NTN1: variants seen among roughly 807,000 people sequenced by gnomAD.
The protein encoded by NTN1 is netrin-1.
A neutral mutation model predicts 54.2 loss-of-function variants in NTN1; 11 were observed. That is an observed-to-expected ratio of 0.20 (90% CI 0.13 to 0.34). NTN1 has a LOEUF of 0.34. Ranked by LOEUF, NTN1 falls within the 10% of genes least tolerant of loss-of-function variation. NTN1 has a pLI of 1.00. For synonymous variants in NTN1, 371 were observed against 382.0 expected (o/e 0.97, Z 0.33); for missense variants, 740 against 893.1 (o/e 0.83, Z 2.18).
chr17:9,225,750 G>A (rs776514381), intron 6 of NTN1, among the ~76,000 whole-genome samples: 16 of 152,224 alleles, frequency 1.1e-4, no homozygotes, highest in Non-Finnish European at 2.2e-4. Flanking sequence ...GGCTCCCTCG[G>A]AGGCTGCATA....
At chr17:9,235,009 CTGGAG>C (rs1905938064) in intron 6 of NTN1, among the ~76,000 whole-genome samples, 2 of 143,352 alleles carry the variant, frequency 1.4e-5, no homozygotes, top group Non-Finnish European at 3.0e-5. Context: ...GTTGCCCAGG[CTGGAG>C]TGCAGTGGTG....
intron 2 of NTN1, among the ~76,000 whole-genome samples, chr17:9,069,310 A>G (rs559250390): frequency 7.2e-5 from 11 of 152,280 alleles, no homozygotes; most frequent in African/African-American, 2.2e-4. Flanking sequence ...GAATTAAAAA[A>G]AAAAGAATGG....
chr17:9,021,473 G>GCCCCGCC (rs1464304173), upstream of NTN1: 4 of 149,864 alleles, frequency 2.7e-5, no homozygotes, highest in Admixed American at 1.3e-4. Flanking sequence ...CCGCCCGGCG[G>GCCCCGCC]CCCCGCCCCC....
chr17:9,177,555 T>C (rs1458845831), intron 3 of NTN1: 1 of 152,220 alleles, frequency 6.6e-6, no homozygotes, highest in Non-Finnish European at 1.5e-5. Flanking sequence ...GCATGAATCT[T>C]AGGATTACCA....
chr17:9,013,983 C>T, the NTN1 span, among the ~76,000 whole-genome samples: 1 of 152,142 alleles, frequency 6.6e-6, no homozygotes, highest in Non-Finnish European at 1.5e-5. Context: ...GCATTTTCAC[C>T]CCTTCAAAGA....
At chr17:9,055,480 G>C (rs956735618) in intron 2 of NTN1, among the ~76,000 whole-genome samples, 1 of 152,176 alleles carries the variant, frequency 6.6e-6, no homozygotes, top group African/African-American at 2.4e-5. Flanking sequence ...CACCAGGTGA[G>C]GCCTATCTGA....
intron 2 of NTN1, among the ~76,000 whole-genome samples, chr17:9,106,631 A>G (rs2092168027): frequency 6.6e-6 from 1 of 152,072 alleles, no homozygotes; most frequent in Admixed American, 6.6e-5. Flanking sequence ...CTCCTGCCTC[A>G]GCCTCCCAAG....
chr17:9,129,239 C>T (rs2142268546), intron 2 of NTN1, among the ~76,000 whole-genome samples: 1 of 152,208 alleles, frequency 6.6e-6, no homozygotes, highest in East Asian at 1.9e-4. Flanking sequence ...GGGAATTGCT[C>T]TTTCCAAGGC....
chr17:9,059,344 A>G (rs1385904810), intron 2 of NTN1, among the ~76,000 whole-genome samples: 2 of 152,236 alleles, frequency 1.3e-5, no homozygotes, highest in African/African-American at 2.4e-5. Context: ...GAAAACAGGT[A>G]TTCAGACAAC....
intron 2 of NTN1, among the ~76,000 whole-genome samples, chr17:9,130,001 GCTT>G (rs1347093612): frequency 2.0e-5 from 3 of 152,192 alleles, no homozygotes; most frequent in Non-Finnish European, 4.4e-5. Flanking sequence ...TCTGTGAGTG[GCTT>G]CTTGTTGGCA....
intron 2 of NTN1, among the ~76,000 whole-genome samples, chr17:9,024,170 C>T (rs2091862712): frequency 6.6e-6 from 1 of 152,088 alleles, no homozygotes; most frequent in Admixed American, 6.6e-5. Flanking sequence ...GGTTTCATTT[C>T]CTGAAAGAGA....
At chr17:9,020,970 C>G (rs73262150), upstream of NTN1, among the ~76,000 whole-genome samples, 540 of 152,286 alleles carry the variant, frequency 3.5e-3, 4 homozygotes, top group African/African-American at 0.012. Context: ...AGGCAGAGGT[C>G]ACATCCTCCT....
At chr17:9,196,730 A>G (rs992855794) in intron 5 of NTN1, among the ~76,000 whole-genome samples, 1 of 152,180 alleles carries the variant, frequency 6.6e-6, no homozygotes, top group African/African-American at 2.4e-5. Flanking sequence ...GACAAGTGTC[A>G]TTTGCACAGT....
chr17:9,114,166 A>T (rs4791336), intron 2 of NTN1, among the ~76,000 whole-genome samples: 35,203 of 72,414 alleles, frequency 0.49, 9,759 homozygotes, highest in East Asian at 0.78. Context: ...AAAAAAAAAA[A>T]ATATATATAT....
At position 9,162,997 on chromosome 17, in the gene NTN1, C is replaced by T. The variant is rs2092362434; in HGVS notation, c.1203C>T (p.Cys401=). ...AGCCCATCACCCACCGGAAGGCCTG[C>T]AAAGGTGGGCTACACGTGGCGGGGC... ...MGKPITHRKA[C]KACDCHPVGA... Residue 401 remains cysteine (C), a synonymous_variant, in exon 3 of 7, where the codon TGC becomes TGT. Transcript: ENST00000173229. The T allele has an allele frequency of 1.2e-6, 2 of 1,607,594 alleles. No homozygotes were observed. The highest frequency in any genetic ancestry group is 1.3e-5 in the African/African-American group (1 of 74,860).
At chr17:9,057,653 TC>T (rs1451570415) in intron 2 of NTN1, among the ~76,000 whole-genome samples, 7 of 152,206 alleles carry the variant, frequency 4.6e-5, no homozygotes, top group African/African-American at 1.7e-4. Context: ...ACAAAACATC[TC>T]CTTTAAACCA....
intron 2 of NTN1, among the ~76,000 whole-genome samples, chr17:9,111,523 A>G (rs2092190652): frequency 6.6e-6 from 1 of 152,090 alleles, no homozygotes; most frequent in African/African-American, 2.4e-5. Flanking sequence ...CCCAGAGAGG[A>G]GAGGCAATGC....
chr17:9,195,576 C>T (rs543166363), intron 5 of NTN1, among the ~76,000 whole-genome samples: 68 of 152,286 alleles, frequency 4.5e-4, no homozygotes, highest in Non-Finnish European at 8.2e-4. Flanking sequence ...TAGGCTGAGG[C>T]AGGGGTGGAT....
At chr17:9,045,704 G>A (rs1304145832) in intron 2 of NTN1, among the ~76,000 whole-genome samples, 1 of 152,178 alleles carries the variant, frequency 6.6e-6, no homozygotes, top group Non-Finnish European at 1.5e-5. Flanking sequence ...AAAAATAAGA[G>A]CAGAAGTCAA....
Sources: allele counts gnomAD v4.1 joint callset (sites outside exome capture counted in the v4.1 genomes callset), GRCh38; gene constraint gnomAD v4.1.1; transcripts MANE v1.5; gene names NCBI Gene and HGNC (gene_info 2026-07-23, HGNC 2026-07-21).